Variants in GPC5 observed in about 807,000 individuals in gnomAD.
GPC5 encodes glypican-5.
A neutral mutation model predicts 53.9 loss-of-function variants in GPC5; 47 were observed. The ratio of observed to expected loss-of-function variants is 0.87; its 90% CI spans 0.69 to 1.11. GPC5 has a LOEUF of 1.11. GPC5 is among the 50% of genes most tolerant of loss of function. GPC5 has a pLI of 0.00. For synonymous variants in GPC5, 286 were observed against 263.3 expected, an observed-to-expected ratio of 1.09 and a Z score of -0.84; for missense variants, 748 against 713.1, an observed-to-expected ratio of 1.05 and a Z score of -0.56.
At chr13:91,850,655 C>CA (rs1555291223) in intron 5 of GPC5, among the ~76,000 whole-genome samples, 1 of 151,706 alleles carries the variant, frequency 6.6e-6, no homozygotes, top group Non-Finnish European at 1.5e-5. Context: ...GGTCCTCTTC[C>CA]TTTTTTTTCA....
chr13:92,716,254 A>C (rs1048630629), intron 7 of GPC5, among the ~76,000 whole-genome samples: 1 of 152,128 alleles, frequency 6.6e-6, no homozygotes, highest in African/African-American at 2.4e-5. Flanking sequence ...ATTTTCTGCT[A>C]CTTCCTGCTT....
At chr13:92,808,296 G>A (rs533106624) in intron 7 of GPC5, among the ~76,000 whole-genome samples, 12 of 152,164 alleles carry the variant, frequency 7.9e-5, no homozygotes, top group South Asian at 2.1e-4. Context: ...AAGTGTATGC[G>A]TATGCACACA....
intron 7 of GPC5, among the ~76,000 whole-genome samples, chr13:92,212,151 G>A (rs2042379918): frequency 6.6e-6 from 1 of 151,946 alleles, no homozygotes; most frequent in African/African-American, 2.4e-5. Context: ...AATCTATCCT[G>A]AGAGGATGCC....
intron 7 of GPC5, among the ~76,000 whole-genome samples, chr13:92,208,730 C>T (rs2042354755): frequency 1.3e-5 from 2 of 152,096 alleles, no homozygotes; most frequent in African/African-American, 4.8e-5. Flanking sequence ...TATTTATTTG[C>T]AAAAATTTAC....
At chr13:91,457,500 T>C (rs1015054882) in intron 2 of GPC5, among the ~76,000 whole-genome samples, 25 of 152,282 alleles carry the variant, frequency 1.6e-4, no homozygotes, top group Admixed American at 9.8e-4. Context: ...CATCTTGTTC[T>C]TCCTTCTGCC....
At chr13:92,766,893 T>G (rs920370098) in intron 7 of GPC5, among the ~76,000 whole-genome samples, 1 of 152,236 alleles carries the variant, frequency 6.6e-6, no homozygotes, top group African/African-American at 2.4e-5. Flanking sequence ...TTCTATTTTC[T>G]CTAATTCACT....
At chr13:91,504,183 A>G (rs1216476351) in intron 2 of GPC5, among the ~76,000 whole-genome samples, 1 of 152,160 alleles carries the variant, frequency 6.6e-6, no homozygotes, top group East Asian at 1.9e-4. Context: ...CATCTCTGAA[A>G]TGAACATTAA....
At chr13:92,030,702 G>T (rs2040833967) in intron 6 of GPC5, among the ~76,000 whole-genome samples, 1 of 152,094 alleles carries the variant, frequency 6.6e-6, no homozygotes, top group South Asian at 2.1e-4. Context: ...AGTACAAAGA[G>T]GACCCTGAAG....
At chr13:92,156,142 CCCCAGTGAT>C (rs1336334334) in intron 7 of GPC5, among the ~76,000 whole-genome samples, 1 of 152,064 alleles carries the variant, frequency 6.6e-6, no homozygotes, top group Non-Finnish European at 1.5e-5. Flanking sequence ...CTTTTTCTCT[CCCCAGTGAT>C]TATTCATATC....
At chr13:91,561,208 T>G (rs1029525703) in intron 2 of GPC5, among the ~76,000 whole-genome samples, 52 of 59,162 alleles carry the variant, frequency 8.8e-4, no homozygotes, top group Non-Finnish European at 1.3e-3. Context: ...CTGTGATTAT[T>G]TTTTTCAGTT....
chr13:92,228,657 A>G (rs1354896475), intron 7 of GPC5, among the ~76,000 whole-genome samples: 2 of 152,162 alleles, frequency 1.3e-5, no homozygotes, highest in African/African-American at 2.4e-5. Flanking sequence ...TCTATTAAAG[A>G]TGGAATAAGA....
intron 2 of GPC5, among the ~76,000 whole-genome samples, chr13:91,478,087 C>A (rs1437147843): frequency 2.0e-5 from 3 of 151,026 alleles, no homozygotes; most frequent in Non-Finnish European, 4.4e-5. Context: ...GAGAACCTTT[C>A]ATATGAAAAT....
At chr13:92,397,744 T>C (rs1875351794) in intron 7 of GPC5, among the ~76,000 whole-genome samples, 1 of 152,214 alleles carries the variant, frequency 6.6e-6, no homozygotes, top group Admixed American at 6.5e-5. Context: ...ACAAGTTGTT[T>C]ACTTATTGGC....
intron 7 of GPC5, among the ~76,000 whole-genome samples, chr13:92,503,694 T>C (rs930713611): frequency 6.6e-6 from 1 of 151,906 alleles, no homozygotes; most frequent in African/African-American, 2.4e-5. Context: ...AGACTATCAC[T>C]ACAGACTCCA....
chr13:92,616,677 T>C (rs1267451498), intron 7 of GPC5, among the ~76,000 whole-genome samples: 1 of 152,226 alleles, frequency 6.6e-6, no homozygotes, highest in Non-Finnish European at 1.5e-5. Context: ...TACAATATTT[T>C]ATTGCTCAAA....
chr13:91,868,035 A>G (rs1175210902), intron 5 of GPC5, among the ~76,000 whole-genome samples: 3 of 152,200 alleles, frequency 2.0e-5, no homozygotes, highest in Non-Finnish European at 4.4e-5. Flanking sequence ...ATACAGGAAA[A>G]TGGTGTGTTT....
chr13:91,600,305 C>CAGAGAG (rs67108031), intron 2 of GPC5, among the ~76,000 whole-genome samples: 1 of 146,548 alleles, frequency 6.8e-6, no homozygotes, highest in African/African-American at 2.6e-5. Flanking sequence ...GTTCATTTTA[C>CAGAGAG]AGAGAGAGAG....
chr13:91,595,319 A>AT (rs1344401088), intron 2 of GPC5, among the ~76,000 whole-genome samples: 2 of 152,068 alleles, frequency 1.3e-5, no homozygotes, highest in Non-Finnish European at 2.9e-5. Flanking sequence ...CGGCCCCTTA[A>AT]TTTTTTTAAC....
Position 92,553,119 on chromosome 13 carries a change from A to C in GPC5, c.1562-313163A>C, listed in dbSNP as rs547155382. Among the ~76,000 whole-genome samples the C allele has an allele frequency of 2.0e-5, 3 of 152,032 alleles. No individual in the cohort carries two copies. In the South Asian group the frequency reaches 6.2e-4, roughly 31 times the overall value. ...CAAAATTTGCATAATTGATGTTACC[A>C]TTTTTATTTCTGCTATTTGTTTCTG... On this transcript the variant is annotated intron_variant, in intron 7 of 7. Coordinates refer to ENST00000377067, the MANE Select transcript of GPC5 (RefSeq NM_004466.6).
Sources: gnomAD v4.1 joint callset for allele counts (sites outside exome capture counted in the v4.1 genomes callset) on GRCh38, gnomAD v4.1.1 for gene constraint, MANE v1.5 for transcripts, NCBI Gene and HGNC (gene_info 2026-07-23, HGNC 2026-07-21) for gene names.